TRAK1: variants seen among roughly 807,000 people sequenced by gnomAD.
The protein encoded by TRAK1 is trafficking kinesin protein 1.
Under a neutral mutation model 92.1 loss-of-function variants are expected in TRAK1, and 33 were observed. The ratio of observed to expected loss-of-function variants is 0.36; its 90% CI spans 0.27 to 0.48. TRAK1 has a LOEUF of 0.48. TRAK1 is among the 20% of genes least tolerant of loss of function. The pLI is 0.99. For missense variants in TRAK1, 1,123 were observed against 1,257.9 expected, an observed-to-expected ratio of 0.89 and a Z score of 1.62; for synonymous variants, 521 against 517.3, an observed-to-expected ratio of 1.01 and a Z score of -0.10.
chr3:42,043,003 G>T (rs1313791033), intron 1 of TRAK1, among the ~76,000 whole-genome samples: 1 of 152,150 alleles, frequency 6.6e-6, no homozygotes, highest in African/African-American at 2.4e-5. Flanking sequence ...GGCCTCCTTT[G>T]TAGAGAATAC....
At chr3:42,171,213 A>G (rs1702521178) in intron 2 of TRAK1, among the ~76,000 whole-genome samples, 1 of 152,114 alleles carries the variant, frequency 6.6e-6, no homozygotes, top group South Asian at 2.1e-4. Context: ...ACACATATGT[A>G]CATGTGTGTG....
At chr3:42,150,511 GTGA>G (rs775536753) in intron 2 of TRAK1, among the ~76,000 whole-genome samples, 5 of 152,094 alleles carry the variant, frequency 3.3e-5, no homozygotes, top group African/African-American at 1.2e-4. Context: ...CTGTTCCCCA[GTGA>G]TGATATGTTC....
Position 42,176,807 on chromosome 3 carries a change from C to T in TRAK1, c.287-7C>T. The T allele has an allele frequency of 6.2e-7, 1 of 1,612,670 alleles. No individual in the cohort carries two copies. Among genetic ancestry groups the T allele is most frequent in the Non-Finnish European group, 8.5e-7 (1 of 1,179,046 alleles). ...GGGAGTCTCATTGTCATTTTTATTTCTTACAGTTTTATGTGCTGAAAGAGT... is the reference window on the plus strand; with the variant it reads ...GGGAGTCTCATTGTCATTTTTATTTTTTACAGTTTTATGTGCTGAAAGAGT... On this transcript the variant is annotated splice_region_variant and splice_polypyrimidine_tract_variant and intron_variant, in intron 2 of 15. Coordinates refer to ENST00000327628, the MANE Select transcript of TRAK1 (RefSeq NM_001042646.3).
intron 10 of TRAK1, among the ~76,000 whole-genome samples, chr3:42,198,719 C>G (rs1304220421): frequency 6.6e-6 from 1 of 152,012 alleles, no homozygotes; most frequent in Non-Finnish European, 1.5e-5. Context: ...TGTGACAGAC[C>G]CTGTAGACTA....
intron 14 of TRAK1, among the ~76,000 whole-genome samples, chr3:42,216,853 T>C (rs1415267704): frequency 6.6e-6 from 1 of 152,170 alleles, no homozygotes; most frequent in Non-Finnish European, 1.5e-5. Flanking sequence ...TCCACTCAGG[T>C]TGAGAGAAAG....
At chr3:42,080,084 C>G (rs1704360649) in intron 1 of TRAK1, among the ~76,000 whole-genome samples, 1 of 152,178 alleles carries the variant, frequency 6.6e-6, no homozygotes, top group South Asian at 2.1e-4. Flanking sequence ...GGACATAACA[C>G]AGTTTCCTCA....
intron 2 of TRAK1, among the ~76,000 whole-genome samples, chr3:42,127,231 A>T (rs1034816323): frequency 4.0e-5 from 6 of 151,662 alleles, no homozygotes; most frequent in Admixed American, 1.3e-4. Flanking sequence ...TAACAGAATT[A>T]TTTTTTGGGA....
Position 42,091,500 on chromosome 3 carries a change from G to A in TRAK1, c.31G>A (p.Val11Ile), listed in dbSNP as rs780939620. 13 of 1,613,424 alleles carry A rather than the reference G, an allele frequency of 8.1e-6. No individual in the cohort carries two copies. In the East Asian group the frequency reaches 1.3e-4, roughly 17 times the overall value. Residue 11 changes from valine to isoleucine, a missense_variant, in exon 1 of 16, where the codon GTC becomes ATC. By Grantham distance (29) the Val-to-Ile change is conservative. Transcript: ENST00000327628. ...ATTGGTTTTTCAATTCGGGCAGCCC[G>A]TCAGGGCTCAGCCTCTGCCAGGACT... Reference protein sequence around the residue: MALVFQFGQPVRAQPLPGLCH... With the variant: MALVFQFGQPIRAQPLPGLCH...
rs115960644 is a variant in TRAK1, at chr3:42,178,687, C to T, written c.363+1797C>T. Among the ~76,000 whole-genome samples, 1,048 of 152,134 alleles carry T rather than the reference C, an allele frequency of 6.9e-3. 12 individuals carry two copies. The highest frequency in any genetic ancestry group is 0.024 in the African/African-American group (996 of 41,496). ...ATTAAACTCTGAGGCTCAAACAGTC[C>T]TCCTGGCCTGGTGCAGTGTCTTATG... On this transcript the variant is annotated intron_variant, in intron 3 of 15. Coordinates refer to ENST00000327628, the MANE Select transcript of TRAK1 (RefSeq NM_001042646.3).
chr3:42,061,279 C>A (rs1703430746), intron 1 of TRAK1, among the ~76,000 whole-genome samples: 1 of 150,156 alleles, frequency 6.7e-6, no homozygotes, highest in Admixed American at 6.6e-5. Context: ...ATGCACACAC[C>A]CACCCACACA....
chr3:42,156,872 G>T (rs576656145), intron 2 of TRAK1, among the ~76,000 whole-genome samples: 1 of 152,312 alleles, frequency 6.6e-6, no homozygotes, highest in East Asian at 1.9e-4. Flanking sequence ...GATGGGGGCC[G>T]GGTTCTGTGG....
At chr3:42,190,999 C>T (rs1705645090) in intron 6 of TRAK1, among the ~76,000 whole-genome samples, 1 of 152,170 alleles carries the variant, frequency 6.6e-6, no homozygotes, top group South Asian at 2.1e-4. Context: ...GCAAGTTGTC[C>T]AGAGTCCTGG....
upstream of TRAK1, among the ~76,000 whole-genome samples, chr3:42,085,290 C>T (rs959378491): frequency 5.9e-5 from 9 of 152,180 alleles, no homozygotes; most frequent in African/African-American, 2.2e-4. Flanking sequence ...GCCTCAGCCT[C>T]CTGAGTGGCT....
chr3:42,074,071 A>G (rs1484529145), intron 1 of TRAK1, among the ~76,000 whole-genome samples: 1 of 152,154 alleles, frequency 6.6e-6, no homozygotes, highest in African/African-American at 2.4e-5. Context: ...ATCACATGGA[A>G]TGTCCGATTC....
rs764113594 is a variant in TRAK1, at chr3:42,156,208, CT to C, written c.287-20602del. Among the ~76,000 whole-genome samples the C allele has an allele frequency of 2.6e-5, 4 of 152,320 alleles. No individual in the cohort carries two copies. In the South Asian group the frequency reaches 6.2e-4, roughly 24 times the overall value. On this transcript the variant is annotated intron_variant, in intron 2 of 15. Coordinates refer to ENST00000327628, the MANE Select transcript of TRAK1 (RefSeq NM_001042646.3). ...CTTTGGGGGTTGTGTTTTGCTTTGA[CT>C]TTTGGAGAAACTACACTCTCAGGGA...
chr3:42,153,120 G>A (rs1398977423), intron 2 of TRAK1, among the ~76,000 whole-genome samples: 2 of 152,178 alleles, frequency 1.3e-5, no homozygotes, highest in Non-Finnish European at 2.9e-5. Context: ...AGGCTAATGG[G>A]GGCCTGGTAT....
intron 14 of TRAK1, among the ~76,000 whole-genome samples, chr3:42,213,015 G>T (rs540015751): frequency 1.1e-4 from 16 of 151,678 alleles, no homozygotes; most frequent in African/African-American, 3.4e-4. Flanking sequence ...TTACCTGGCA[G>T]TGGCCCTGCA....
chr3:42,097,057 T>C (rs1201347997), intron 1 of TRAK1, among the ~76,000 whole-genome samples: 1 of 152,242 alleles, frequency 6.6e-6, no homozygotes, highest in Non-Finnish European at 1.5e-5. Context: ...TCCCCTGCTT[T>C]GAAAGCTTTC....
chr3:42,195,374 G>A (rs1706459778), intron 10 of TRAK1, among the ~76,000 whole-genome samples: 1 of 152,202 alleles, frequency 6.6e-6, no homozygotes, highest in African/African-American at 2.4e-5. Context: ...GGCCTAAAGA[G>A]CAAACTCAAG....
Sources: gnomAD v4.1 joint callset for allele counts (sites outside exome capture counted in the v4.1 genomes callset) on GRCh38, gnomAD v4.1.1 for gene constraint, MANE v1.5 for transcripts, NCBI Gene and HGNC (gene_info 2026-07-23, HGNC 2026-07-21) for gene names.